The following PPA2 variants were observed in gnomAD, a reference collection of about 807,000 sequenced individuals.
The protein encoded by PPA2 is inorganic pyrophosphatase 2, mitochondrial.
Under a neutral mutation model 49.5 loss-of-function variants are expected in PPA2, and 48 were observed. That is an observed-to-expected ratio of 0.97 (90% CI 0.77 to 1.23). The LOEUF (loss-of-function observed/expected upper bound fraction) is 1.23, where lower values mean the gene tolerates loss of function less well. PPA2 is among the 50% of genes most tolerant of loss of function. The pLI is 0.00. For synonymous variants in PPA2, 131 were observed against 139.9 expected, an observed-to-expected ratio of 0.94 and a Z score of 0.45; for missense variants, 429 against 410.1, an observed-to-expected ratio of 1.05 and a Z score of -0.40.
intron 4 of PPA2, chr4:105,448,078 T>C: frequency 4.9e-6 from 2 of 412,370 alleles, no homozygotes; most frequent in Non-Finnish European, 9.7e-6. Context: ...TATATTCACA[T>C]TGCTATCTTT....
chr4:105,391,564 A>G (rs1301094301), intron 9 of PPA2, among the ~76,000 whole-genome samples: 1 of 152,032 alleles, frequency 6.6e-6, no homozygotes, highest in East Asian at 1.9e-4. Context: ...CTCCAGTTCT[A>G]CATAGAGGTA....
chr4:105,463,082 G>A (rs775546259), intron 1 of PPA2, among the ~76,000 whole-genome samples: 1 of 152,202 alleles, frequency 6.6e-6, no homozygotes, highest in Non-Finnish European at 1.5e-5. Context: ...AACAGGCAGA[G>A]TTTGGAACAG....
In PPA2 at chr4:105,369,468, C is replaced by T. The variant is rs1349115038; in HGVS notation, c.*257G>A. 2.4e-6 allele frequency: 1 copy of T among 412,402 alleles called. No individual in the cohort carries two copies. Among genetic ancestry groups the T allele is most frequent in the East Asian group, 4.7e-5 (1 of 21,252 alleles). 25.5% of individuals were successfully genotyped at this position (412,402 alleles called of 1,614,324 possible). On this transcript the variant is annotated 3_prime_UTR_variant, in exon 12 of 12. Coordinates refer to ENST00000341695, the MANE Select transcript of PPA2 (RefSeq NM_176869.3). ...TTGAACTCCTGACCTTGTGATCTGC[C>T]CACCTCGGCCTCCCAAAGTGCTGAA... is the stretch of plus-strand genomic sequence containing the variant.
intron 10 of PPA2, among the ~76,000 whole-genome samples, chr4:105,378,527 G>A (rs979070192): frequency 1.1e-4 from 17 of 151,884 alleles, no homozygotes; most frequent in African/African-American, 1.9e-4. Context: ...ATATTTTCTT[G>A]TAATATGTAG....
Position 105,424,312 on chromosome 4 carries a change from C to T in PPA2, c.539G>A (p.Cys180Tyr), listed in dbSNP as rs1346308642. The T allele has an allele frequency of 1.9e-6, 3 of 1,591,080 alleles. No homozygotes were observed. The highest frequency in any genetic ancestry group is 1.4e-5 in the African/African-American group (1 of 73,280). Reference protein sequence around the residue: ...VCEIGSKILSCGEVIHVKILG... With the variant: ...VCEIGSKILSYGEVIHVKILG... ...GATCTTCACATGAATAACTTCTCCA[C>T]AAGAAAGAATCTTTAAAGAAAAAAG... Residue 180 changes from cysteine (C) to tyrosine (Y), a missense_variant, in exon 7 of 12, where the codon TGT (cysteine) becomes TAT (tyrosine). By Grantham distance (194) the Cys-to-Tyr change is radical (BLOSUM62 -2). Coordinates refer to ENST00000341695, the MANE Select transcript of PPA2 (RefSeq NM_176869.3).
chr4:105,424,055 A>T, intron 7 of PPA2, 141 bp downstream of exon 7: 1 of 851,254 alleles, frequency 1.2e-6, no homozygotes, highest in Non-Finnish European at 1.8e-6. Flanking sequence ...CTTCATTTAA[A>T]ATATAATTTG....
intron 9 of PPA2, among the ~76,000 whole-genome samples, chr4:105,388,071 G>C (rs985916549): frequency 2.1e-5 from 3 of 146,098 alleles, no homozygotes; most frequent in East Asian, 3.9e-4. Context: ...GGGGGCGGGG[G>C]TGGGGAGGTC....
rs539592011 is a variant in PPA2 at position 105,441,506 on chromosome 4, C to T, written c.442-3470G>A. Among the ~76,000 whole-genome samples, 8 of 152,086 alleles carry T rather than the reference C, an allele frequency of 5.3e-5. No individual in the cohort carries two copies. In the South Asian group the frequency reaches 1.7e-3, roughly 32 times the overall value. Reference sequence around the variant, plus strand: ...TAAATTGTCACAACTTCTTTTATAACAATCTGGAAATACTTAGTAAAGTAA... The same window carrying T: ...TAAATTGTCACAACTTCTTTTATAATAATCTGGAAATACTTAGTAAAGTAA... On this transcript the variant is annotated intron_variant, in intron 5 of 11. Coordinates refer to ENST00000341695, the MANE Select transcript of PPA2 (RefSeq NM_176869.3).
At chr4:105,408,884 T>C (rs1722608763) in intron 7 of PPA2, among the ~76,000 whole-genome samples, 1 of 152,206 alleles carries the variant, frequency 6.6e-6, no homozygotes, top group South Asian at 2.1e-4. Context: ...CCAAAAATCC[T>C]TGACAATTAG....
chr4:105,469,026 C>T (rs942728778), intron 1 of PPA2, among the ~76,000 whole-genome samples: 4 of 152,176 alleles, frequency 2.6e-5, no homozygotes, highest in African/African-American at 9.7e-5. Context: ...AACCATATCT[C>T]CATTGGTTTT....
At chr4:105,460,229 C>T (rs1723029180) in intron 1 of PPA2, among the ~76,000 whole-genome samples, 1 of 151,928 alleles carries the variant, frequency 6.6e-6, no homozygotes, top group Non-Finnish European at 1.5e-5. Flanking sequence ...TACAGTATAA[C>T]AACTATTTAC....
chr4:105,388,100 C>A (rs1040270766), intron 9 of PPA2, among the ~76,000 whole-genome samples: 2 of 152,000 alleles, frequency 1.3e-5, no homozygotes, highest in Non-Finnish European at 2.9e-5. Context: ...ATATAGTTGC[C>A]ATATAAAATA....
At chr4:105,428,648 C>T (rs997450869) in intron 6 of PPA2, among the ~76,000 whole-genome samples, 1 of 138,632 alleles carries the variant, frequency 7.2e-6, no homozygotes, top group Non-Finnish European at 1.5e-5. Flanking sequence ...GGGAGGGGAA[C>T]ATCATACACC....
At chr4:105,385,095 C>G (rs1231156404) in intron 10 of PPA2, among the ~76,000 whole-genome samples, 1 of 152,156 alleles carries the variant, frequency 6.6e-6, no homozygotes, top group Non-Finnish European at 1.5e-5. Flanking sequence ...ACCTTACCTT[C>G]TACAATTCTT....
At chr4:105,404,249 C>T (rs937857503) in intron 7 of PPA2, among the ~76,000 whole-genome samples, 2 of 151,552 alleles carry the variant, frequency 1.3e-5, no homozygotes, top group African/African-American at 4.8e-5. Flanking sequence ...TCTATAAGTA[C>T]AATATAATAA....
chr4:105,386,513 G>T, intron 10 of PPA2, 54 bp downstream of exon 10: 1 of 1,512,620 alleles, frequency 6.6e-7, no homozygotes, highest in South Asian at 1.2e-5. Flanking sequence ...ATTTCTACTA[G>T]ACTTCCTATG....
At chr4:105,405,649 AAACAGAGAC>A in intron 7 of PPA2, 1 of 1,014,336 alleles carries the variant, frequency 9.9e-7, no homozygotes, top group Non-Finnish European at 1.2e-6. Context: ...GCTTCGGAAA[AAACAGAGAC>A]CTTTTGACAG....
chr4:105,473,261 T>C lies in PPA2; in HGVS notation c.157+633A>G, dbSNP rs556563647. 3.2e-5 allele frequency: 6 copies of C among 184,970 alleles called. No individual in the cohort carries two copies. The South Asian group carries it at 4.0e-4, about 12-fold the overall frequency. 11.5% of individuals were successfully genotyped at this position (184,970 alleles called of 1,614,324 possible). A position where few individuals can be genotyped will look rare whatever the true frequency, so the allele number is the denominator to read the frequency against. Reference sequence around the variant, plus strand: ...CTTAGCCTTCTGGGCTTGTTCAGCTTGGGGAGGAAAAGGGGCTGCTCCGGA... The same window carrying C: ...CTTAGCCTTCTGGGCTTGTTCAGCTCGGGGAGGAAAAGGGGCTGCTCCGGA... On this transcript the variant is annotated intron_variant, in intron 1 of 11. Transcript: ENST00000341695.
chr4:105,442,294 A>T (rs1724407368), intron 5 of PPA2, among the ~76,000 whole-genome samples: 3 of 152,288 alleles, frequency 2.0e-5, no homozygotes, highest in Non-Finnish European at 2.9e-5. Flanking sequence ...AACACCTCTG[A>T]TCAACTCATT....
Sources: gnomAD v4.1 joint callset for allele counts (sites outside exome capture counted in the v4.1 genomes callset) on GRCh38, gnomAD v4.1.1 for gene constraint, MANE v1.5 for transcripts, NCBI Gene and HGNC (gene_info 2026-07-23, HGNC 2026-07-21) for gene names.